Variants in SP2 observed in about 807,000 individuals in gnomAD.
The protein encoded by SP2 is Sp2 transcription factor.
SP2 carries 9 observed loss-of-function variants against 50.1 expected under a neutral mutation model. The ratio of observed to expected loss-of-function variants is 0.18; its 90% CI spans 0.11 to 0.31. The LOEUF (loss-of-function observed/expected upper bound fraction) is 0.31. Among genes scored for constraint, SP2 ranks in the 10% least tolerant of loss-of-function variants. The pLI is 1.00. For synonymous variants in SP2, 313 were observed against 326.6 expected, an observed-to-expected ratio of 0.96 and a Z score of 0.45; for missense variants, 581 against 806.5, an observed-to-expected ratio of 0.72 and a Z score of 3.39.
At position 47,916,860 on chromosome 17, in the gene SP2, G is replaced by A; in HGVS notation, c.789G>A (p.Glu263=). The part of the protein sequence containing the change: ...PASQPPVAVA[E]QVETVLIETT... ...CCCAGCCCCCTGTGGCTGTGGCTGA[G>A]CAGGTGGAGACGGTGCTGATCGAGA... Residue 263 remains glutamate, a synonymous_variant, in exon 3 of 7, where the codon GAG becomes GAA. Coordinates refer to ENST00000376741, the MANE Select transcript of SP2 (RefSeq NM_003110.6). The surrounding 1 kb of genome is among the most constrained non-coding windows in gnomAD (Gnocchi z 4.7). The A allele has an allele frequency of 4.3e-6, 7 of 1,614,224 alleles. No homozygotes were observed. The highest frequency in any genetic ancestry group is 5.1e-6 in the Non-Finnish European group (6 of 1,180,026).
downstream of SP2, among the ~76,000 whole-genome samples, chr17:47,929,455 C>T (rs1019488123): frequency 3.9e-5 from 6 of 152,186 alleles, no homozygotes; most frequent in African/African-American, 1.2e-4. Flanking sequence ...AAGTGAAGGG[C>T]GAGGCAGGTT....
At chr17:47,911,294 C>G (rs1007148848) in intron 1 of SP2, among the ~76,000 whole-genome samples, 2 of 152,072 alleles carry the variant, frequency 1.3e-5, no homozygotes, top group Non-Finnish European at 1.5e-5. Flanking sequence ...GTAATCCCAG[C>G]GCTTTGGGAG....
In SP2 at chr17:47,914,350, A is replaced by G. The variant is rs188766766; in HGVS notation, c.8-962A>G. Among the ~76,000 whole-genome samples, 418 of 152,106 alleles carry G rather than the reference A, an allele frequency of 2.7e-3. 1 individual carries two copies. Among genetic ancestry groups the G allele is most frequent in the South Asian group, 6.0e-3 (29 of 4,816 alleles). ...CGTGCCATTGCACTCCAGCCTGGGC[A>G]ACAAGAGTGAAACTCCTTCTCAAAA... On this transcript the variant is annotated intron_variant, in intron 1 of 6. Coordinates refer to ENST00000376741, the MANE Select transcript of SP2 (RefSeq NM_003110.6).
chr17:47,904,520 G>C (rs1431085000), intron 1 of SP2, among the ~76,000 whole-genome samples: 1 of 151,934 alleles, frequency 6.6e-6, no homozygotes, highest in African/African-American at 2.4e-5. Context: ...TGAAATTGTA[G>C]ACATACCTAA....
intron 6 of SP2, 41 bp downstream of exon 6, chr17:47,925,582 A>C (rs1205869065): frequency 2.0e-5 from 31 of 1,542,000 alleles, no homozygotes; most frequent in Non-Finnish European, 2.7e-5. Context: ...CACAGAGGTC[A>C]AATTCCTGCC....
At chr17:47,906,052 G>A (rs1302087569) in intron 1 of SP2, among the ~76,000 whole-genome samples, 1 of 152,196 alleles carries the variant, frequency 6.6e-6, no homozygotes, top group Non-Finnish European at 1.5e-5. Context: ...ACAATTGAGG[G>A]GGTTAATTAG....
chr17:47,926,631 A>C (rs1255908966), intron 6 of SP2, among the ~76,000 whole-genome samples: 1 of 152,124 alleles, frequency 6.6e-6, no homozygotes, highest in Non-Finnish European at 1.5e-5. Flanking sequence ...AACTATTAAA[A>C]ATATTGATCC....
intron 1 of SP2, chr17:47,899,428 C>T (rs1461216953): frequency 2.0e-5 from 3 of 152,228 alleles, no homozygotes; most frequent in Non-Finnish European, 4.4e-5. Flanking sequence ...CTCAAGCAAT[C>T]CTCCCACCTC....
At chr17:47,911,284 G>A (rs575946201) in intron 1 of SP2, among the ~76,000 whole-genome samples, 2 of 152,126 alleles carry the variant, frequency 1.3e-5, no homozygotes, top group Non-Finnish European at 2.9e-5. Flanking sequence ...ATTCATGCCT[G>A]TAATCCCAGC....
Position 47,927,935 on chromosome 17 carries a change from C to T in SP2, c.*111C>T. On this transcript the variant is annotated 3_prime_UTR_variant, in exon 7 of 7. Coordinates refer to ENST00000376741, the MANE Select transcript of SP2 (RefSeq NM_003110.6). ...CCTTGGGCCTGCCCTCAGCCCCACT[C>T]CTGTTCTGCAACTGTCCCCACAGGA... 1 of 681,264 alleles carries T rather than the reference C, an allele frequency of 1.5e-6. No homozygotes were observed. The highest frequency in any genetic ancestry group is 2.7e-6 in the Non-Finnish European group (1 of 374,598). 42.2% of individuals were successfully genotyped at this position (681,264 alleles called of 1,614,324 possible).
Position 47,925,091 on chromosome 17 carries a change from G to A in SP2, c.1545G>A (p.Lys515=). 1 of 1,606,114 alleles carries A rather than the reference G, an allele frequency of 6.2e-7. No individual in the cohort carries two copies. Among genetic ancestry groups the A allele is most frequent in the African/African-American group, 1.3e-5 (1 of 74,966 alleles). The change falls in exon 5 of 7, where the codon AAG becomes AAA. Residue 515 remains lysine (K), a splice_region_variant and synonymous_variant. Transcript: ENST00000376741. ...GTCCCAACTGCAAGGATGGGGAGAA[G>A]AGGTAATTCAAGGAGAAGGCCCAAG... The part of the protein sequence containing the change: ...CTCPNCKDGE[K]RSGEQGKKKH...
In SP2 at chr17:47,916,995, C is replaced by T. The variant is rs757699345; in HGVS notation, c.924C>T (p.Ala308=). 1.4e-5 allele frequency: 23 copies of T among 1,614,028 alleles called. No homozygotes were observed. The highest frequency in any genetic ancestry group is 7.7e-5 in the South Asian group (7 of 91,088). The change falls in exon 3 of 7, where the codon GCC becomes GCT. Residue 308 remains alanine, a synonymous_variant. Coordinates refer to ENST00000376741, the MANE Select transcript of SP2 (RefSeq NM_003110.6). This position sits in a 1 kb window ranked among gnomAD's most constrained non-coding sequence, Gnocchi z 4.7. ...AGGTCCAGGTGGTGCCCCCCAAGGC[C>T]GAGCAGCAGCAGGTGGTACAGATCC... ...VQQVQVVPPK[A]EQQQVVQIPQ...
intron 1 of SP2, among the ~76,000 whole-genome samples, chr17:47,907,241 A>G (rs528240313): frequency 4.6e-5 from 7 of 152,180 alleles, no homozygotes; most frequent in Admixed American, 4.6e-4. Flanking sequence ...GTAGGAAGAG[A>G]AGGCTGTGCT....
chr17:47,898,740 T>G (rs2034432021), intron 1 of SP2: 1 of 152,224 alleles, frequency 6.6e-6, no homozygotes, highest in Non-Finnish European at 1.5e-5. Context: ...TTAAAGAGTA[T>G]GTAGAGAGTT....
chr17:47,917,781 C>T (rs1394462547), intron 3 of SP2: 2 of 445,840 alleles, frequency 4.5e-6, no homozygotes, highest in African/African-American at 2.0e-5. Flanking sequence ...CAGGCTGAGC[C>T]ACTGCTTCCT....
At chr17:47,915,249 G>C in intron 1 of SP2, 63 bp from the exon 2 acceptor site, 1 of 1,157,488 alleles carries the variant, frequency 8.6e-7, no homozygotes, top group Non-Finnish European at 1.2e-6. Context: ...AAAATCTGAG[G>C]CAAGTGGGCT....
chr17:47,907,598 T>C lies in SP2; in HGVS notation c.8-7714T>C, dbSNP rs149963013. ...TTTGAAAGCAATGCAGCTTTTTCTTTCAAGAATATGCACTAATCCCACTTA... is the reference window on the plus strand; with the variant it reads ...TTTGAAAGCAATGCAGCTTTTTCTTCCAAGAATATGCACTAATCCCACTTA... On this transcript the variant is annotated intron_variant, in intron 1 of 6. Coordinates refer to ENST00000376741, the MANE Select transcript of SP2 (RefSeq NM_003110.6). 2.2e-4 allele frequency among the ~76,000 whole-genome samples: 34 copies of C among 152,350 alleles called. No homozygotes were observed. In the East Asian group the frequency reaches 4.2e-3, roughly 19 times the overall value.
intron 6 of SP2, among the ~76,000 whole-genome samples, chr17:47,927,067 G>C (rs966614793): frequency 1.3e-5 from 2 of 152,198 alleles, no homozygotes; most frequent in Non-Finnish European, 2.9e-5. Context: ...TCCTGTGATG[G>C]GGAGGATGCT....
In SP2 at chr17:47,919,825, C is replaced by CTTTTTTTTTT. The variant is rs141856390; in HGVS notation, c.1059+2708_1059+2717dup. Among the ~76,000 whole-genome samples, 480 of 94,786 alleles carry CTTTTTTTTTT rather than the reference C, an allele frequency of 5.1e-3. 28 individuals are homozygous for CTTTTTTTTTT. Among genetic ancestry groups the CTTTTTTTTTT allele is most frequent in the African/African-American group, 0.016 (387 of 23,756 alleles). 62.2% of individuals were successfully genotyped at this position (94,786 alleles called of 152,430 possible). On this transcript the variant is annotated intron_variant, in intron 3 of 6. Transcript: ENST00000376741. ...TTTGATCTGAAACACTTTGTCATTCCTTTTTTTTTTTTTTTTTTTTTTCTG... is the reference window on the plus strand; with the variant it reads ...TTTGATCTGAAACACTTTGTCATTCCTTTTTTTTTTTTTTTTTTTTTTTTTTTTTTTTCTG...
Sources: gnomAD v4.1 joint callset for allele counts (sites outside exome capture counted in the v4.1 genomes callset) on GRCh38, gnomAD v4.1.1 for gene constraint, Gnocchi (gnomAD v3.1) non-coding constraint, MANE v1.5 for transcripts, NCBI Gene and HGNC (gene_info 2026-07-23, HGNC 2026-07-21) for gene names.